The following COL16A1 variants were observed in gnomAD, a reference collection of about 807,000 sequenced individuals.
COL16A1 encodes collagen alpha-1(XVI) chain.
Under a neutral mutation model 266.3 loss-of-function variants are expected in COL16A1, and 189 were observed. That is an observed-to-expected ratio of 0.71 (90% confidence interval 0.63 to 0.80). The LOEUF (loss-of-function observed/expected upper bound fraction) is 0.80. Ranked by LOEUF, COL16A1 falls within the 30% of genes least tolerant of loss-of-function variation. COL16A1 has a pLI of 0.00. For missense variants in COL16A1, 1,928 were observed against 2,122.4 expected (o/e 0.91, Z 1.80); for synonymous variants, 740 against 782.3 (o/e 0.95, Z 0.90).
Position 31,692,427 on chromosome 1 carries a change from C to G in COL16A1, c.1194+47G>C, listed in dbSNP as rs772717405. On this transcript the variant is annotated intron_variant, in intron 16 of 70. Transcript: ENST00000373672. ...CTCCTCCTTCCTCATGGCTGTAGAG[C>G]CTGCAGACCTCCCTGGAAATCCCCC... The G allele has an allele frequency of 4.4e-6, 7 of 1,585,962 alleles. No homozygotes were observed. The Admixed American group carries it at 6.8e-5, about 15-fold the overall frequency.
At position 31,684,592 on chromosome 1, in the gene COL16A1, G is replaced by A; in HGVS notation, c.2091C>T (p.Gly697=). 6.2e-7 allele frequency: 1 copy of A among 1,613,924 alleles called. No individual in the cohort carries two copies. Among genetic ancestry groups the A allele is most frequent in the Non-Finnish European group, 8.5e-7 (1 of 1,179,994 alleles). ...CTGACAGTCCTGGCCGCCCTGTGGT[G>A]CCCGGCGTTCCAGGGTCTCCAGGAT... ...AGNPGDPGTP[G]TTGRPGLSGE... is the part of the protein sequence containing the mutation. Residue 697 remains glycine (G), a synonymous_variant, in exon 31 of 71, where the codon GGC becomes GGT. Coordinates refer to ENST00000373672, the MANE Select transcript of COL16A1 (RefSeq NM_001856.4).
chr1:31,681,490 T>A (rs1214832062), intron 37 of COL16A1, among the ~76,000 whole-genome samples: 1 of 152,242 alleles, frequency 6.6e-6, no homozygotes, highest in Non-Finnish European at 1.5e-5. Flanking sequence ...TCACAAAAGT[T>A]ACATCTGTTG....
At chr1:31,684,447 C>T in intron 31 of COL16A1, 76 bp downstream of exon 31, 1 of 1,561,872 alleles carries the variant, frequency 6.4e-7, no homozygotes, top group Non-Finnish European at 8.7e-7. Flanking sequence ...GCCCTGCAGT[C>T]CTTCCCTCAC....
chr1:31,698,350 G>T lies in COL16A1; in HGVS notation c.390+133C>A. 8 of 1,526,058 alleles carry T rather than the reference G, an allele frequency of 5.2e-6. No homozygotes were observed. The highest frequency in any genetic ancestry group is 7.1e-6 in the Non-Finnish European group (8 of 1,129,974). The allele number at this position is 1,526,058 out of a possible 1,614,324, so 94.5% of individuals were successfully genotyped here. On this transcript the variant is annotated intron_variant, in intron 5 of 70. Transcript: ENST00000373672. This position sits in a 1 kb window ranked among gnomAD's most constrained non-coding sequence, Gnocchi z 4.1. ...GAAAGAATGAGGTAGGTACTGGTGG[G>T]CTGGGGACAGGCTTGAGGGTAGGCA...
At position 31,683,089 on chromosome 1, in the gene COL16A1, A is replaced by G. The variant is rs1250911153; in HGVS notation, c.2470-87T>C. Reference sequence around the variant, plus strand: ...GGTAAGACACATCTCAACAGATCTTAGGCAGCCCTCTGATAGGCATCACTT... The same window carrying G: ...GGTAAGACACATCTCAACAGATCTTGGGCAGCCCTCTGATAGGCATCACTT... On this transcript the variant is annotated intron_variant, in intron 36 of 70. Transcript: ENST00000373672. 3.7e-6 allele frequency: 6 copies of G among 1,608,802 alleles called. No individual in the cohort carries two copies. The African/African-American group carries it at 5.4e-5, about 14-fold the overall frequency.
In COL16A1 at chr1:31,664,524, C is replaced by A. The variant is rs753925274; in HGVS notation, c.3555+648G>T. ...TTCTTACACCACCCACTCAGCACAT[C>A]TAGGGAGCCCAGAGGTTGGGCCGAG... On this transcript the variant is annotated intron_variant, in intron 56 of 70. Transcript: ENST00000373672. The surrounding 1 kb of genome is among the most constrained non-coding windows in gnomAD (Gnocchi z 5.5). Among the ~76,000 whole-genome samples, 1 of 152,182 alleles carries A rather than the reference C, an allele frequency of 6.6e-6. No individual in the cohort carries two copies. Among genetic ancestry groups the A allele is most frequent in the African/African-American group, 2.4e-5 (1 of 41,440 alleles).
chr1:31,673,647 G>C (rs1642933813), intron 44 of COL16A1, among the ~76,000 whole-genome samples: 1 of 152,252 alleles, frequency 6.6e-6, no homozygotes, highest in Non-Finnish European at 1.5e-5. Flanking sequence ...ATGCCATCTT[G>C]ACGGCGCAGT....
At chr1:31,654,264 T>C (rs1168551950) in intron 68 of COL16A1, among the ~76,000 whole-genome samples, 2 of 152,184 alleles carry the variant, frequency 1.3e-5, no homozygotes, top group African/African-American at 4.8e-5. Context: ...CAGATCTGAC[T>C]ATGGCATCTC....
rs1642557111 is a variant in COL16A1, at chr1:31,670,447, G to A, written c.3195+155C>T. The A allele has an allele frequency of 3.2e-6, 3 of 950,422 alleles. No individual in the cohort carries two copies. In the East Asian group the frequency reaches 9.9e-5, roughly 31 times the overall value. 58.9% of individuals were successfully genotyped at this position (950,422 alleles called of 1,614,324 possible). A position where few individuals can be genotyped will look rare whatever the true frequency, so the allele number is the denominator to read the frequency against. On this transcript the variant is annotated intron_variant, in intron 49 of 70. Transcript: ENST00000373672. The surrounding 1 kb of genome is among the most constrained non-coding windows in gnomAD (Gnocchi z 4.5). ...ACTGGGAGGATGTCCAAGCTGCCGG[G>A]ACCTCAGAGAACCCGTGTCGTTAGC...
Position 31,668,942 on chromosome 1 carries a change from T to C in COL16A1, c.3196-87A>G. Reference sequence around the variant, plus strand: ...CTTCCCCCTGCCCCACTGCCTTCTGTTCCCACTCCAGGCAAATATGGAGGC... The same window carrying C: ...CTTCCCCCTGCCCCACTGCCTTCTGCTCCCACTCCAGGCAAATATGGAGGC... On this transcript the variant is annotated intron_variant, in intron 49 of 70. Coordinates refer to ENST00000373672, the MANE Select transcript of COL16A1 (RefSeq NM_001856.4). The surrounding 1 kb of genome is among the most constrained non-coding windows in gnomAD (Gnocchi z 5.8). 8.2e-7 allele frequency: 1 copy of C among 1,219,986 alleles called. No homozygotes were observed. Among genetic ancestry groups the C allele is most frequent in the East Asian group, 2.4e-5 (1 of 41,286 alleles). The allele number at this position is 1,219,986 out of a possible 1,614,324, so 75.6% of individuals were successfully genotyped here. A position where few individuals can be genotyped will look rare whatever the true frequency, so the allele number is the denominator to read the frequency against.
rs1643588253 is a variant in COL16A1 at position 31,680,927 on chromosome 1, TC to T, written c.2587del (p.Glu863LysfsTer178). On this transcript the variant is annotated frameshift_variant, in exon 39 of 71. Transcript: ENST00000373672. LOFTEE classifies it high-confidence loss of function. ...GQTGLRGTPG[E>X]KGPRGEKGEP... ...CACCTTCTCTCCTCGTGGTCCTTTT[TC>T]ACCCTGCAGGGAAGAAACACAGGAA... The T allele has an allele frequency of 6.2e-7, 1 of 1,614,056 alleles. No homozygotes were observed.
At position 31,688,424 on chromosome 1, in the gene COL16A1, G is replaced by A; in HGVS notation, c.1803+43C>T. 1 of 1,611,872 alleles carries A rather than the reference G, an allele frequency of 6.2e-7. No individual in the cohort carries two copies. Among genetic ancestry groups the A allele is most frequent in the South Asian group, 1.1e-5 (1 of 91,014 alleles). ...CGCACCACTCCTCCCCTGCCTGCCT[G>A]CCAAGAAACTCCAGTGTCCCTGACA... On this transcript the variant is annotated intron_variant, in intron 26 of 70. Coordinates refer to ENST00000373672, the MANE Select transcript of COL16A1 (RefSeq NM_001856.4). The surrounding 1 kb of genome is among the most constrained non-coding windows in gnomAD (Gnocchi z 4.9).
chr1:31,669,058 G>A (rs1028615206), intron 49 of COL16A1, among the ~76,000 whole-genome samples: 21 of 152,036 alleles, frequency 1.4e-4, no homozygotes, highest in African/African-American at 5.1e-4. Context: ...CCACATATGG[G>A]TGCCTCTCAG....
intron 1 of COL16A1, 28 bp downstream of exon 1, chr1:31,703,807 CCT>C (rs1391785703): frequency 6.6e-6 from 1 of 152,416 alleles, no homozygotes; most frequent in Non-Finnish European, 1.5e-5. Flanking sequence ...AGCCCAGAGC[CCT>C]GAGGCCGCCC....
rs1433156853 is a variant in COL16A1, at chr1:31,653,901, G to C, written c.4500C>G (p.Gly1500=). The change falls in exon 69 of 71, where the codon GGC becomes GGG. Residue 1500 remains glycine, a synonymous_variant. Transcript: ENST00000373672. ...PGSPGLPGQI[G]REGRQGLPGV... The stretch of plus-strand genomic sequence containing the variant: ...CTGGCAAGCCCTGCCGTCCTTCTCT[G>C]CCAATCTGACCAGGGAGCCCAGGTG... 6.2e-7 allele frequency: 1 copy of C among 1,613,620 alleles called. No homozygotes were observed. The highest frequency in any genetic ancestry group is 1.1e-5 in the South Asian group (1 of 91,054).
intron 22 of COL16A1, 95 bp from the exon 23 acceptor site, chr1:31,689,946 T>A (rs562598815): frequency 4.8e-6 from 5 of 1,038,606 alleles, no homozygotes; most frequent in Non-Finnish European, 7.3e-6. Flanking sequence ...AGACATTGGG[T>A]CCACCAGAGC....
In COL16A1 at chr1:31,688,521, A is replaced by G. The variant is rs754980982; in HGVS notation, c.1768-19T>C. ...CTCTACCCTGAAAAACAACCAAGAC[A>G]GAGTCTCAGCATCTCCCCACTCCCA... On this transcript the variant is annotated intron_variant, in intron 25 of 70. Coordinates refer to ENST00000373672, the MANE Select transcript of COL16A1 (RefSeq NM_001856.4). The surrounding 1 kb of genome is among the most constrained non-coding windows in gnomAD (Gnocchi z 4.9). 1 of 1,613,968 alleles carries G rather than the reference A, an allele frequency of 6.2e-7. No homozygotes were observed. Among genetic ancestry groups the G allele is most frequent in the Non-Finnish European group, 8.5e-7 (1 of 1,180,012 alleles).
chr1:31,685,809 C>T lies in COL16A1; in HGVS notation c.1885-39G>A. 6.2e-7 allele frequency: 1 copy of T among 1,606,348 alleles called. No individual in the cohort carries two copies. The highest frequency in any genetic ancestry group is 1.1e-5 in the South Asian group (1 of 90,802). On this transcript the variant is annotated intron_variant, in intron 28 of 70. Coordinates refer to ENST00000373672, the MANE Select transcript of COL16A1 (RefSeq NM_001856.4). The surrounding 1 kb of genome is among the most constrained non-coding windows in gnomAD (Gnocchi z 4.0). ...ACATTGAGTTAGGGGGTCCCCCAGGCCCTAGTGCACTTGAGCGAGGTTTGG... is the reference window on the plus strand; with the variant it reads ...ACATTGAGTTAGGGGGTCCCCCAGGTCCTAGTGCACTTGAGCGAGGTTTGG...
In COL16A1 at chr1:31,683,362, G is replaced by C. The variant is rs1395058034; in HGVS notation, c.2387C>G (p.Pro796Arg). The change falls in exon 35 of 71, where the codon CCT becomes CGT. Residue 796 changes from proline (P) to arginine (R), a missense_variant. By Grantham distance (103) the Pro-to-Arg change is moderately radical (BLOSUM62 -2). This residue lies in a region of COL16A1 where 1,552 missense variants were observed against 1,637.2 expected (regional missense o/e 0.95). Coordinates refer to ENST00000373672, the MANE Select transcript of COL16A1 (RefSeq NM_001856.4). Reference sequence around the variant, plus strand: ...AATGCCAGGCAAACCCGGGGCTCCAGGCTCCCCCTGCAAGTCAGAAAGGGC... The same window carrying C: ...AATGCCAGGCAAACCCGGGGCTCCACGCTCCCCCTGCAAGTCAGAAAGGGC... ...GRGVQGPQGE[P>R]GAPGLPGIQG... 6.2e-7 allele frequency: 1 copy of C among 1,614,098 alleles called. No individual in the cohort carries two copies. The highest frequency in any genetic ancestry group is 8.5e-7 in the Non-Finnish European group (1 of 1,180,046).
Sources: allele counts gnomAD v4.1 joint callset (sites outside exome capture counted in the v4.1 genomes callset), GRCh38; gene constraint gnomAD v4.1.1; regional missense constraint gnomAD v4.1.1; non-coding constraint Gnocchi (gnomAD v3.1); transcripts MANE v1.5; gene names NCBI Gene and HGNC (gene_info 2026-07-23, HGNC 2026-07-21).